The following EPHA3 variants were observed in gnomAD, a reference collection of about 807,000 sequenced individuals.
The protein encoded by EPHA3 is ephrin type-A receptor 3.
EPHA3 carries 42 observed loss-of-function variants against 107.1 expected under a neutral mutation model. The observed-to-expected ratio is 0.39, with a 90% CI of 0.31 to 0.51. EPHA3 has a LOEUF of 0.51. Among genes scored for constraint, EPHA3 ranks in the 20% least tolerant of loss-of-function variants. The pLI, the probability that EPHA3 is intolerant of heterozygous loss-of-function variation, is 0.78. For missense variants in EPHA3, 1,183 were observed against 1,211.2 expected (o/e 0.98, Z 0.35); for synonymous variants, 461 against 424.8 (o/e 1.09, Z -1.05).
chr3:89,448,340 T>C (rs1288567655), intron 13 of EPHA3, among the ~76,000 whole-genome samples: 3 of 152,154 alleles, frequency 2.0e-5, no homozygotes, highest in Non-Finnish European at 2.9e-5. Context: ...CTGTATCTAG[T>C]TTTTCAGAGT....
intron 3 of EPHA3, among the ~76,000 whole-genome samples, chr3:89,317,988 C>T (rs190393141): frequency 4.0e-4 from 60 of 151,768 alleles, no homozygotes; most frequent in African/African-American, 1.4e-3. Context: ...ATATTGCACA[C>T]GGGGTTAATT....
At chr3:89,129,824 T>C (rs1704168292) in intron 2 of EPHA3, among the ~76,000 whole-genome samples, 1 of 152,146 alleles carries the variant, frequency 6.6e-6, no homozygotes, top group Admixed American at 6.5e-5. Flanking sequence ...GTGATATCCT[T>C]GCTGAAACGT....
At chr3:89,224,292 C>T (rs797000183) in intron 3 of EPHA3, among the ~76,000 whole-genome samples, 19 of 152,150 alleles carry the variant, frequency 1.2e-4, no homozygotes, top group African/African-American at 4.3e-4. Context: ...AGTGATCATG[C>T]GGTTGACTAA....
At chr3:89,306,066 C>T (rs1322615039) in intron 3 of EPHA3, among the ~76,000 whole-genome samples, 1 of 152,052 alleles carries the variant, frequency 6.6e-6, no homozygotes, top group Admixed American at 6.6e-5. Flanking sequence ...TCATTACTGT[C>T]CTTATCATTG....
chr3:89,419,387 A>G lies in EPHA3; in HGVS notation c.2071A>G (p.Lys691Glu). ...NIIRLEGVVT[K>E]SKPVMIVTEY... ...CATTCGACTGGAAGGAGTTGTTACC[A>G]AAAGTAAGTAAAGTAGTCATAAGAC... The change falls in exon 11 of 17, where the codon AAA (lysine) becomes GAA (glutamate). Residue 691 changes from lysine (K) to glutamate (E), a missense_variant. Lys to Glu is a moderately conservative substitution (Grantham distance 56). Coordinates refer to ENST00000336596, the MANE Select transcript of EPHA3 (RefSeq NM_005233.6). 1 of 1,585,880 alleles carries G rather than the reference A, an allele frequency of 6.3e-7. No individual in the cohort carries two copies. The highest frequency in any genetic ancestry group is 8.6e-7 in the Non-Finnish European group (1 of 1,167,060).
At chr3:89,234,710 C>T (rs1035980134) in intron 3 of EPHA3, among the ~76,000 whole-genome samples, 9 of 150,560 alleles carry the variant, frequency 6.0e-5, no homozygotes, top group African/African-American at 2.0e-4. Context: ...TTCTTTCCCC[C>T]TTCCCTTCCC....
chr3:89,366,357 C>CA (rs1420805633), intron 5 of EPHA3, among the ~76,000 whole-genome samples: 2 of 150,472 alleles, frequency 1.3e-5, no homozygotes, highest in Non-Finnish European at 3.0e-5. Flanking sequence ...AATTTAAACA[C>CA]ATGTGGAAGA....
intron 5 of EPHA3, among the ~76,000 whole-genome samples, chr3:89,344,709 T>C (rs1006462187): frequency 6.6e-6 from 1 of 152,170 alleles, no homozygotes; most frequent in African/African-American, 2.4e-5. Context: ...CTAGCCTCTA[T>C]CTTTGACGTG....
rs148240768 is a variant in EPHA3 at position 89,459,736 on chromosome 3, T to A, written c.2690+9366T>A. 4.8e-3 allele frequency among the ~76,000 whole-genome samples: 738 copies of A among 152,282 alleles called. 4 individuals are homozygous for A. Among genetic ancestry groups the A allele is most frequent in the African/African-American group, 0.017 (701 of 41,558 alleles). On this transcript the variant is annotated intron_variant, in intron 15 of 16. Transcript: ENST00000336596. ...TGGGGTTTCACCGTGTTGACCAGGC[T>A]GGTCTCGAACTCCTGACCTCAGGTG...
chr3:89,187,409 T>C (rs1470012618), intron 2 of EPHA3, among the ~76,000 whole-genome samples: 2 of 149,458 alleles, frequency 1.3e-5, no homozygotes, highest in East Asian at 1.9e-4. Flanking sequence ...TTATATATTA[T>C]TCATAAGTGT....
intron 2 of EPHA3, among the ~76,000 whole-genome samples, chr3:89,153,143 A>G (rs573640549): frequency 6.6e-6 from 1 of 152,244 alleles, no homozygotes; most frequent in Non-Finnish European, 1.5e-5. Context: ...GAAAATGAAG[A>G]GTTCCATTGT....
intron 3 of EPHA3, among the ~76,000 whole-genome samples, chr3:89,267,526 G>C (rs975362585): frequency 6.6e-6 from 1 of 152,082 alleles, no homozygotes; most frequent in Non-Finnish European, 1.5e-5. Context: ...CATTCCCCCT[G>C]GAAGCCAGGA....
intron 13 of EPHA3, among the ~76,000 whole-genome samples, chr3:89,445,716 A>G (rs1212282890): frequency 2.0e-5 from 3 of 152,210 alleles, no homozygotes; most frequent in Non-Finnish European, 1.5e-5. Flanking sequence ...AAAAAGGAAA[A>G]GTGTAAATCA....
intron 11 of EPHA3, among the ~76,000 whole-genome samples, chr3:89,428,426 G>C (rs1183917129): frequency 6.6e-6 from 1 of 151,966 alleles, no homozygotes; most frequent in Non-Finnish European, 1.5e-5. Flanking sequence ...AAGGTTTCAT[G>C]GTATTTTAGG....
chr3:89,405,385 T>C (rs975984062), intron 7 of EPHA3, among the ~76,000 whole-genome samples: 4 of 152,204 alleles, frequency 2.6e-5, no homozygotes, highest in African/African-American at 9.6e-5. Flanking sequence ...AGCTGGAGGC[T>C]GTCTGCTGAC....
At position 89,209,164 on chromosome 3, in the gene EPHA3, T is replaced by TA. The variant is rs199926356; in HGVS notation, c.154-695dup. Reference sequence around the variant, plus strand: ...AACAACAAAACCCCAAATATCTATCTATTTCTTGACTAAGAAAAGATCCAA... The same window carrying TA: ...AACAACAAAACCCCAAATATCTATCTAATTTCTTGACTAAGAAAAGATCCAA... On this transcript the variant is annotated intron_variant, in intron 2 of 16. Coordinates refer to ENST00000336596, the MANE Select transcript of EPHA3 (RefSeq NM_005233.6). Among the ~76,000 whole-genome samples the TA allele has an allele frequency of 6.1e-3, 932 of 152,312 alleles. 10 individuals carry two copies. The highest frequency in any genetic ancestry group is 0.021 in the African/African-American group (889 of 41,576).
intron 3 of EPHA3, among the ~76,000 whole-genome samples, chr3:89,320,626 G>A (rs1452728942): frequency 2.6e-5 from 4 of 151,726 alleles, no homozygotes; most frequent in African/African-American, 9.7e-5. Context: ...AGGCTACATG[G>A]CAAGATTTTT....
intron 13 of EPHA3, among the ~76,000 whole-genome samples, chr3:89,445,960 G>T (rs1709869754): frequency 6.6e-6 from 1 of 152,126 alleles, no homozygotes; most frequent in Non-Finnish European, 1.5e-5. Flanking sequence ...AAGGTTTAAA[G>T]TTGTCATTCT....
intron 3 of EPHA3, among the ~76,000 whole-genome samples, chr3:89,305,661 A>T (rs979828122): frequency 6.6e-6 from 1 of 152,106 alleles, no homozygotes; most frequent in Admixed American, 6.6e-5. Flanking sequence ...TGTTTTCTGA[A>T]CTAGTGTGTG....
Sources: allele counts gnomAD v4.1 joint callset (sites outside exome capture counted in the v4.1 genomes callset), GRCh38; gene constraint gnomAD v4.1.1; transcripts MANE v1.5; gene names NCBI Gene and HGNC (gene_info 2026-07-23, HGNC 2026-07-21).